Variants in PIK3R3 observed in about 807,000 individuals in gnomAD.
The protein encoded by PIK3R3 is phosphatidylinositol 3-kinase regulatory subunit gamma.
A neutral mutation model predicts 62.9 loss-of-function variants in PIK3R3; 64 were observed. The observed-to-expected ratio is 1.02, with a 90% confidence interval of 0.83 to 1.25. The LOEUF is 1.25. Among genes scored for constraint, PIK3R3 ranks in the 50% most tolerant of loss-of-function variants. The pLI is 0.00. For missense variants in PIK3R3, 614 were observed against 561.6 expected, an observed-to-expected ratio of 1.09 and a Z score of -0.94; for synonymous variants, 165 against 189.0, an observed-to-expected ratio of 0.87 and a Z score of 1.04.
intron 1 of PIK3R3, among the ~76,000 whole-genome samples, chr1:46,097,506 A>T (rs899753710): frequency 3.9e-5 from 6 of 152,216 alleles, no homozygotes; most frequent in Non-Finnish European, 7.4e-5. Flanking sequence ...ATCATAATTC[A>T]TGATGACAAA....
At chr1:46,161,109 ATTTT>A in the PIK3R3 span, among the ~76,000 whole-genome samples, 1 of 149,222 alleles carries the variant, frequency 6.7e-6, no homozygotes. Context: ...ATTTGCAAGG[ATTTT>A]TTTTTTGTCA....
At chr1:46,122,355 C>CA (rs1293424970) in intron 1 of PIK3R3, among the ~76,000 whole-genome samples, 2 of 152,026 alleles carry the variant, frequency 1.3e-5, no homozygotes, top group African/African-American at 4.8e-5. Flanking sequence ...TAACCTAATA[C>CA]ACTGTGAAAA....
chr1:46,051,912 C>A (rs760154798), intron 7 of PIK3R3, among the ~76,000 whole-genome samples: 3 of 151,864 alleles, frequency 2.0e-5, no homozygotes, highest in East Asian at 1.9e-4. Flanking sequence ...CCGAGGCAGG[C>A]GGATCACAAG....
chr1:46,142,715 A>G, the PIK3R3 span, among the ~76,000 whole-genome samples: 1 of 151,794 alleles, frequency 6.6e-6, no homozygotes, highest in Non-Finnish European at 1.5e-5. Context: ...AAAAAAAAAG[A>G]AAAGAAAAAA....
chr1:46,172,635 A>G, the PIK3R3 span, among the ~76,000 whole-genome samples: 1 of 152,164 alleles, frequency 6.6e-6, no homozygotes, highest in Non-Finnish European at 1.5e-5. Flanking sequence ...GGCTGCAGTG[A>G]GCTAAGGTCA....
At chr1:46,162,861 G>A in the PIK3R3 span, among the ~76,000 whole-genome samples, 1 of 152,180 alleles carries the variant, frequency 6.6e-6, no homozygotes, top group Non-Finnish European at 1.5e-5. Context: ...GACCTCAAGT[G>A]ATCCACCCAC....
At position 46,043,419 on chromosome 1, in the gene PIK3R3, A is replaced by G. The variant is rs939563915; in HGVS notation, c.*254T>C. 30 of 492,602 alleles carry G rather than the reference A, an allele frequency of 6.1e-5. No homozygotes were observed. The highest frequency in any genetic ancestry group is 4.5e-4 in the South Asian group (21 of 46,180). 30.5% of individuals were successfully genotyped at this position (492,602 alleles called of 1,614,324 possible). ...CTGGCTAAACAAAACAAAAACCCCAATGAAACAGACTTTCAAAAAAAACAT... is the reference window on the plus strand; with the variant it reads ...CTGGCTAAACAAAACAAAAACCCCAGTGAAACAGACTTTCAAAAAAAACAT... On this transcript the variant is annotated 3_prime_UTR_variant, in exon 10 of 10. Coordinates refer to ENST00000262741, the MANE Select transcript of PIK3R3 (RefSeq NM_003629.4).
At chr1:46,141,316 G>A in the PIK3R3 span, among the ~76,000 whole-genome samples, 1 of 151,582 alleles carries the variant, frequency 6.6e-6, no homozygotes, top group Admixed American at 6.6e-5. Context: ...TGTCACCCAG[G>A]CTGGAGTACA....
At chr1:46,106,777 T>C (rs1454339500) in intron 1 of PIK3R3, among the ~76,000 whole-genome samples, 1 of 152,012 alleles carries the variant, frequency 6.6e-6, no homozygotes, top group Non-Finnish European at 1.5e-5. Flanking sequence ...ATTGCCTTAG[T>C]CTTTTTTTTC....
chr1:46,142,720 A>G, the PIK3R3 span, among the ~76,000 whole-genome samples: 1 of 148,698 alleles, frequency 6.7e-6, no homozygotes, highest in Non-Finnish European at 1.5e-5. Context: ...AAAAGAAAAG[A>G]AAAAAAAAGA....
At chr1:46,084,100 G>A (rs1472092249) in intron 1 of PIK3R3, among the ~76,000 whole-genome samples, 2 of 152,154 alleles carry the variant, frequency 1.3e-5, no homozygotes, top group Non-Finnish European at 2.9e-5. Flanking sequence ...AAAGGAATGA[G>A]GTACTGATAT....
chr1:46,061,194 A>C (rs1003327471), intron 6 of PIK3R3, among the ~76,000 whole-genome samples: 38 of 152,292 alleles, frequency 2.5e-4, no homozygotes, highest in Admixed American at 1.2e-3. Flanking sequence ...TGTACTTCTT[A>C]TTTTGGTGAA....
upstream of PIK3R3, chr1:46,134,588 T>C (rs41288355): frequency 6.6e-6 from 1 of 152,350 alleles, no homozygotes; most frequent in Non-Finnish European, 1.5e-5. Flanking sequence ...CAGTCTCTAC[T>C]TCAGCATATC....
the PIK3R3 span, among the ~76,000 whole-genome samples, chr1:46,155,996 C>T: frequency 6.6e-6 from 1 of 152,068 alleles, no homozygotes; most frequent in Non-Finnish European, 1.5e-5. Flanking sequence ...TGGCTCTTTA[C>T]AGTAAAAGTT....
At chr1:46,133,978 A>G (rs1005271707), upstream of PIK3R3, among the ~76,000 whole-genome samples, 3 of 152,152 alleles carry the variant, frequency 2.0e-5, no homozygotes, top group African/African-American at 7.2e-5. Context: ...TGGCTTCACT[A>G]TGAAAATGCT....
the PIK3R3 span, among the ~76,000 whole-genome samples, chr1:46,138,160 T>C: frequency 6.6e-6 from 1 of 152,230 alleles, no homozygotes; most frequent in Non-Finnish European, 1.5e-5. Flanking sequence ...TTCTGAAATA[T>C]AACACCATAT....
At chr1:46,164,641 A>C in the PIK3R3 span, among the ~76,000 whole-genome samples, 8 of 152,198 alleles carry the variant, frequency 5.3e-5, no homozygotes, top group African/African-American at 1.7e-4. Context: ...ACAACAACAA[A>C]AAAAACTGGC....
the PIK3R3 span, among the ~76,000 whole-genome samples, chr1:46,151,783 C>A: frequency 2.6e-5 from 4 of 152,280 alleles, no homozygotes; most frequent in African/African-American, 9.6e-5. Flanking sequence ...AAAGGGCCTC[C>A]ATTAGCCCTT....
chr1:46,096,154 T>TA (rs1652105834), intron 1 of PIK3R3, among the ~76,000 whole-genome samples: 1 of 152,260 alleles, frequency 6.6e-6, no homozygotes, highest in Non-Finnish European at 1.5e-5. Context: ...CATATACACT[T>TA]ACGTCATTCA....
Sources: allele counts gnomAD v4.1 joint callset (sites outside exome capture counted in the v4.1 genomes callset), GRCh38; gene constraint gnomAD v4.1.1; transcripts MANE v1.5; gene names NCBI Gene and HGNC (gene_info 2026-07-23, HGNC 2026-07-21).